PTPRK: variants seen among roughly 807,000 people sequenced by gnomAD.
The protein encoded by PTPRK is receptor-type tyrosine-protein phosphatase kappa.
A neutral mutation model predicts 178.0 loss-of-function variants in PTPRK; 75 were observed. The ratio of observed to expected loss-of-function variants is 0.42; its 90% CI spans 0.35 to 0.51. The LOEUF (loss-of-function observed/expected upper bound fraction) is 0.51. Ranked by LOEUF, PTPRK falls within the 20% of genes least tolerant of loss-of-function variation. The pLI is 0.02. For missense variants in PTPRK, 1,441 were observed against 1,797.8 expected (o/e 0.80, Z 3.59); for synonymous variants, 637 against 620.6 (o/e 1.03, Z -0.39).
chr6:128,504,386 A>G (rs1001157569), intron 1 of PTPRK, among the ~76,000 whole-genome samples: 2 of 152,242 alleles, frequency 1.3e-5, no homozygotes, highest in East Asian at 1.9e-4. Flanking sequence ...GAGCAAGGAT[A>G]GAGTACTTTC....
At chr6:128,045,862 A>G (rs1777955134) in intron 13 of PTPRK, among the ~76,000 whole-genome samples, 1 of 152,116 alleles carries the variant, frequency 6.6e-6, no homozygotes, top group African/African-American at 2.4e-5. Flanking sequence ...CTGAATAATT[A>G]ACAATTTGAC....
At chr6:128,238,632 C>A (rs1290334147) in intron 5 of PTPRK, among the ~76,000 whole-genome samples, 5 of 152,112 alleles carry the variant, frequency 3.3e-5, no homozygotes, top group Admixed American at 2.0e-4. Flanking sequence ...TATCTAAAAT[C>A]ATTTTTAAAC....
At chr6:128,067,264 C>T (rs1781953800) in intron 12 of PTPRK, among the ~76,000 whole-genome samples, 1 of 152,124 alleles carries the variant, frequency 6.6e-6, no homozygotes, top group South Asian at 2.1e-4. Flanking sequence ...CTCTCAATTG[C>T]TATTGTGGGC....
chr6:128,322,012 A>G (rs1828865996), intron 3 of PTPRK, 27 bp downstream of exon 3: 4 of 1,613,660 alleles, frequency 2.5e-6, no homozygotes, highest in South Asian at 1.1e-5. Context: ...ACATCAAAAC[A>G]TACACCAGAA....
chr6:128,409,838 TTA>T (rs1475438240), intron 1 of PTPRK, among the ~76,000 whole-genome samples: 1 of 152,194 alleles, frequency 6.6e-6, no homozygotes, highest in Non-Finnish European at 1.5e-5. Flanking sequence ...CCTCCTTGCC[TTA>T]TGCCATGATT....
chr6:128,271,471 C>G (rs1819811593), intron 3 of PTPRK, among the ~76,000 whole-genome samples: 1 of 152,106 alleles, frequency 6.6e-6, no homozygotes, highest in Non-Finnish European at 1.5e-5. Flanking sequence ...TTTATAAGAG[C>G]TGTAGCTGGA....
chr6:128,179,750 A>C (rs1801623450), intron 7 of PTPRK, among the ~76,000 whole-genome samples: 1 of 151,974 alleles, frequency 6.6e-6, no homozygotes, highest in South Asian at 2.1e-4. Context: ...CATAGCAAAA[A>C]TCAATATATG....
chr6:128,475,983 T>A (rs142202398), intron 1 of PTPRK, among the ~76,000 whole-genome samples: 21 of 152,186 alleles, frequency 1.4e-4, no homozygotes, highest in Non-Finnish European at 1.6e-4. Flanking sequence ...GTCTTTGAAC[T>A]CAGCACTTAG....
At chr6:128,469,567 C>T (rs1850337945) in intron 1 of PTPRK, among the ~76,000 whole-genome samples, 1 of 152,142 alleles carries the variant, frequency 6.6e-6, no homozygotes, top group South Asian at 2.1e-4. Context: ...ACTTTGGCTG[C>T]TTCAAGTCAT....
intron 1 of PTPRK, among the ~76,000 whole-genome samples, chr6:128,464,652 T>TACAC (rs1460635356): frequency 1.1e-5 from 1 of 91,432 alleles, no homozygotes; most frequent in African/African-American, 6.3e-5. Context: ...TATATATATA[T>TACAC]ATATATATAT....
chr6:128,207,533 A>G (rs1009142641), intron 6 of PTPRK, among the ~76,000 whole-genome samples: 5 of 152,216 alleles, frequency 3.3e-5, no homozygotes, highest in African/African-American at 1.2e-4. Context: ...AAACCTCAGC[A>G]ACACAAACAT....
At chr6:128,132,909 C>T (rs1794475193) in intron 7 of PTPRK, among the ~76,000 whole-genome samples, 1 of 152,166 alleles carries the variant, frequency 6.6e-6, no homozygotes, top group Non-Finnish European at 1.5e-5. Context: ...GTGTCAGCAT[C>T]TTCCATTCTA....
chr6:128,185,179 A>C (rs2114699791), intron 6 of PTPRK, among the ~76,000 whole-genome samples: 1 of 152,224 alleles, frequency 6.6e-6, no homozygotes, highest in East Asian at 1.9e-4. Flanking sequence ...ACATAACCGA[A>C]CTCAGAAAGT....
At position 128,342,261 on chromosome 6, in the gene PTPRK, AAAGAG is replaced by A. The variant is rs572844730; in HGVS notation, c.224-19956_224-19952del. On this transcript the variant is annotated intron_variant, in intron 2 of 29. Coordinates refer to ENST00000368226, the MANE Select transcript of PTPRK (RefSeq NM_002844.4). ...GAGTGAGACTCCATCTCAAACAAAA[AAAGAG>A]AAGAGAAGAGAAGAGAAAATAGATC... 1.6e-4 allele frequency among the ~76,000 whole-genome samples: 24 copies of A among 152,252 alleles called. No individual in the cohort carries two copies. The East Asian group carries it at 3.5e-3, about 22-fold the overall frequency.
intron 2 of PTPRK, among the ~76,000 whole-genome samples, chr6:128,397,213 T>A (rs1840430454): frequency 1.3e-5 from 2 of 152,340 alleles, no homozygotes; most frequent in Admixed American, 1.3e-4. Context: ...TACAATTTAA[T>A]TGAATAACTA....
At chr6:128,489,169 T>C (rs1386682690) in intron 1 of PTPRK, among the ~76,000 whole-genome samples, 1 of 152,232 alleles carries the variant, frequency 6.6e-6, no homozygotes, top group Non-Finnish European at 1.5e-5. Flanking sequence ...CAACGAATAT[T>C]AGTGCCATAA....
chr6:128,111,924 C>T (rs998394528), intron 7 of PTPRK, among the ~76,000 whole-genome samples: 4 of 152,004 alleles, frequency 2.6e-5, no homozygotes, highest in Non-Finnish European at 5.9e-5. Context: ...TAACACATAA[C>T]AGGTGTATCT....
At chr6:128,422,344 A>G (rs941140508) in intron 1 of PTPRK, among the ~76,000 whole-genome samples, 1 of 152,128 alleles carries the variant, frequency 6.6e-6, no homozygotes, top group Non-Finnish European at 1.5e-5. Context: ...TGGTCATACT[A>G]CTGCATGGAG....
chr6:128,462,782 A>G (rs1357096476), intron 1 of PTPRK, among the ~76,000 whole-genome samples: 3 of 151,772 alleles, frequency 2.0e-5, no homozygotes, highest in African/African-American at 4.8e-5. Flanking sequence ...CAGCCTCCCA[A>G]GTAGCTGGGA....
Sources: gnomAD v4.1 joint callset for allele counts (sites outside exome capture counted in the v4.1 genomes callset) on GRCh38, gnomAD v4.1.1 for gene constraint, MANE v1.5 for transcripts, NCBI Gene and HGNC (gene_info 2026-07-23, HGNC 2026-07-21) for gene names.